TENM1: variants seen among roughly 807,000 people sequenced by gnomAD.
The protein encoded by TENM1 is teneurin transmembrane protein 1, also known as teneurin-1.
A neutral mutation model predicts 174.8 loss-of-function variants in TENM1; 35 were observed. The observed-to-expected ratio is 0.20, with a 90% CI of 0.15 to 0.27. TENM1 has a LOEUF of 0.27. TENM1 is among the 10% of genes least tolerant of loss of function. TENM1 has a pLI of 1.00. For synonymous variants in TENM1, 781 were observed against 798.7 expected (o/e 0.98, Z 0.37); for missense variants, 1,633 against 2,130.1 (o/e 0.77, Z 4.59).
In TENM1 at chrX:124,801,676, C is replaced by T. The variant is rs368190893; in HGVS notation, c.536-64479G>A. Among the ~76,000 whole-genome samples, 5 of 110,947 alleles carry T rather than the reference C, an allele frequency of 4.5e-5. No individual in the cohort carries two copies. The East Asian group carries it at 1.1e-3, about 25-fold the overall frequency. On this transcript the variant is annotated intron_variant, in intron 3 of 31. Transcript: ENST00000422452. Reference sequence around the variant, plus strand: ...ACACTAGTTGATGCAGTTTCTTCATCGTGTCATTGGCCTTTATATTTTGGT... The same window carrying T: ...ACACTAGTTGATGCAGTTTCTTCATTGTGTCATTGGCCTTTATATTTTGGT...
At chrX:125,167,013 T>C in the TENM1 span, among the ~76,000 whole-genome samples, 2 of 111,489 alleles carry the variant, frequency 1.8e-5, no homozygotes. Context: ...GGCTACAAAA[T>C]GAAAAACTGA....
intron 3 of TENM1, among the ~76,000 whole-genome samples, chrX:124,765,668 G>A (rs1169033503): frequency 8.9e-6 from 1 of 112,081 alleles, no homozygotes; most frequent in East Asian, 2.8e-4. Context: ...TTTATGACAC[G>A]TCTTTGCCAA....
intron 3 of TENM1, among the ~76,000 whole-genome samples, chrX:124,749,187 G>A (rs1054739573): frequency 3.6e-5 from 4 of 111,006 alleles, no homozygotes; most frequent in Non-Finnish European, 7.6e-5. Context: ...CTTCCTCCAA[G>A]CCACACCAAA....
chrX:124,669,078 G>T (rs1227529919), intron 6 of TENM1, among the ~76,000 whole-genome samples: 2 of 111,808 alleles, frequency 1.8e-5, no homozygotes, highest in Non-Finnish European at 3.8e-5. Context: ...CAATCTTTTG[G>T]TCCGATAATA....
At chrX:124,529,979 C>A in exon 16 of TENM1, 1 of 1,209,666 alleles carries the variant, frequency 8.3e-7, no homozygotes, top group Non-Finnish European at 1.1e-6. Flanking sequence ...ATCACACAGG[C>A]ACGCCTGCAA....
the TENM1 span, among the ~76,000 whole-genome samples, chrX:124,973,961 G>C: frequency 1.1e-4 from 12 of 111,571 alleles, no homozygotes; most frequent in East Asian, 3.4e-3. Context: ...CCTGTCGGGG[G>C]AGTGGGAGAA....
intron 11 of TENM1, among the ~76,000 whole-genome samples, chrX:124,572,249 T>C (rs999308255): frequency 1.6e-4 from 18 of 112,252 alleles, no homozygotes; most frequent in Non-Finnish European, 2.4e-4. Context: ...AATGCTAGGA[T>C]GGTTTAACTT....
exon 30 of TENM1, chrX:124,384,080 G>C: frequency 2.5e-6 from 3 of 1,211,436 alleles, no homozygotes; most frequent in Non-Finnish European, 3.4e-6. Context: ...AACTCTTATG[G>C]GGTTGGTAAG....
chrX:124,867,009 C>A (rs1329049089), intron 3 of TENM1, among the ~76,000 whole-genome samples: 1 of 110,975 alleles, frequency 9.0e-6, no homozygotes, highest in Admixed American at 9.5e-5. Flanking sequence ...AATAAAAAAT[C>A]TCCCAGAAAA....
chrX:124,544,021 A>G (rs1019876794), intron 15 of TENM1, among the ~76,000 whole-genome samples: 1 of 113,060 alleles, frequency 8.8e-6, no homozygotes, highest in African/African-American at 3.2e-5. Flanking sequence ...ATTCAGCAGC[A>G]AATCAGCTGT....
chrX:124,730,481 A>G (rs187660617), intron 4 of TENM1, among the ~76,000 whole-genome samples: 46 of 111,215 alleles, frequency 4.1e-4, no homozygotes, highest in African/African-American at 1.5e-3. Flanking sequence ...AGACATGGTG[A>G]TGATAATTAA....
chrX:124,677,657 T>C (rs760594643), intron 5 of TENM1, among the ~76,000 whole-genome samples: 1 of 111,706 alleles, frequency 9.0e-6, no homozygotes, highest in South Asian at 3.7e-4. Flanking sequence ...TATACCCATC[T>C]ATGGAAGAGT....
In TENM1 at chrX:124,963,791, T is replaced by C. The variant is rs762802777; in HGVS notation, c.-38A>G. On this transcript the variant is annotated 5_prime_UTR_variant, in exon 1 of 32. Transcript: ENST00000422452. ...AAGCTCAGTTTCATGAAAAAAAGGATGAGGAAGTCCTTTAATGCAAGCAGT... is the reference window on the plus strand; with the variant it reads ...AAGCTCAGTTTCATGAAAAAAAGGACGAGGAAGTCCTTTAATGCAAGCAGT... 19 of 1,097,278 alleles carry C rather than the reference T, an allele frequency of 1.7e-5. No homozygotes were observed. The African/African-American group carries it at 3.3e-4, about 19-fold the overall frequency. The allele number at this position is 1,097,278 out of a possible 1,213,427, so 90.4% of individuals were successfully genotyped here.
the TENM1 span, among the ~76,000 whole-genome samples, chrX:124,981,879 C>T: frequency 1.9e-5 from 1 of 51,890 alleles, no homozygotes; most frequent in Non-Finnish European, 3.3e-5. Context: ...ACAGGTGCAG[C>T]GCACCAGCAT....
At chrX:125,124,131 G>GT in the TENM1 span, among the ~76,000 whole-genome samples, 1 of 112,301 alleles carries the variant, frequency 8.9e-6, no homozygotes, top group African/African-American at 3.2e-5. Flanking sequence ...CCCAATGCGT[G>GT]TATCTTTCTC....
the TENM1 span, among the ~76,000 whole-genome samples, chrX:125,165,300 G>A: frequency 9.0e-6 from 1 of 111,304 alleles, no homozygotes; most frequent in Non-Finnish European, 1.9e-5. Context: ...ATATTCTCTG[G>A]CTCTATTAAT....
chrX:124,976,375 C>A, the TENM1 span, among the ~76,000 whole-genome samples: 1 of 111,375 alleles, frequency 9.0e-6, no homozygotes, highest in Admixed American at 9.6e-5. Flanking sequence ...GGCTCCAGAG[C>A]CTGTACTCTT....
the TENM1 span, among the ~76,000 whole-genome samples, chrX:125,079,133 G>A: frequency 7.2e-5 from 8 of 111,634 alleles, no homozygotes; most frequent in East Asian, 2.3e-3. Context: ...CATCTAAAGG[G>A]CTGTGGATGA....
intron 3 of TENM1, among the ~76,000 whole-genome samples, chrX:124,777,568 T>A (rs961582509): frequency 8.9e-6 from 1 of 112,270 alleles, no homozygotes; most frequent in African/African-American, 3.2e-5. Flanking sequence ...CAGTCTAGTA[T>A]AAATTCATTT....
Sources: allele counts gnomAD v4.1 joint callset (sites outside exome capture counted in the v4.1 genomes callset), GRCh38; gene constraint gnomAD v4.1.1; transcripts MANE v1.5; gene names NCBI Gene and HGNC (gene_info 2026-07-23, HGNC 2026-07-21).